Variants in WDR25 observed in about 807,000 individuals in gnomAD.
WDR25 encodes the protein WD repeat domain 25.
In WDR25, 35 loss-of-function variants were observed where a neutral mutation model predicts 47.7. The observed-to-expected ratio is 0.73, with a 90% CI of 0.56 to 0.97. The LOEUF is 0.97. Ranked by LOEUF, WDR25 falls within the 50% of genes least tolerant of loss-of-function variation. The probability of loss-of-function intolerance (pLI) is 0.00; values close to 1 mark genes in which losing one functional copy is unlikely to be tolerated. For missense variants in WDR25, 634 were observed against 704.7 expected (o/e 0.90, Z 1.14); for synonymous variants, 248 against 278.9 (o/e 0.89, Z 1.10).
rs1217927825 is a variant in WDR25 at position 100,525,128 on chromosome 14, A to T, written c.1102-742A>T. ...CGTGGGTGCCCAGCATGTTATTTCC[A>T]TATTGTCATTAAAGTCCTGTCCTCT... On this transcript the variant is annotated intron_variant, in intron 4 of 6. Transcript: ENST00000402312. The surrounding 1 kb of genome is among the most constrained non-coding windows in gnomAD (Gnocchi z 4.6). Among the ~76,000 whole-genome samples the T allele has an allele frequency of 1.3e-5, 2 of 152,042 alleles. No homozygotes were observed.
chr14:100,447,832 A>T (rs1209562345), intron 2 of WDR25, among the ~76,000 whole-genome samples: 2 of 152,172 alleles, frequency 1.3e-5, no homozygotes, highest in Non-Finnish European at 2.9e-5. Flanking sequence ...CCAGGGAAAA[A>T]TGGTCAAGTT....
chr14:100,397,892 G>C (rs113775372), intron 2 of WDR25, among the ~76,000 whole-genome samples: 3,474 of 152,326 alleles, frequency 0.023, 141 homozygotes, highest in African/African-American at 0.08. Flanking sequence ...AGGCTGGAGT[G>C]CAGTGGTGTG....
At chr14:100,501,369 A>T (rs189513121) in intron 4 of WDR25, among the ~76,000 whole-genome samples, 148 of 152,288 alleles carry the variant, frequency 9.7e-4, no homozygotes, top group Non-Finnish European at 1.9e-3. Context: ...CCACGAGCTC[A>T]TGATAATTGG....
At chr14:100,446,111 C>T (rs565518587) in intron 2 of WDR25, among the ~76,000 whole-genome samples, 13 of 152,236 alleles carry the variant, frequency 8.5e-5, no homozygotes, top group African/African-American at 2.2e-4. Flanking sequence ...TTCCTCCTGG[C>T]GTGGTGGGGA....
chr14:100,462,068 A>G (rs1899433825), intron 2 of WDR25, among the ~76,000 whole-genome samples: 1 of 152,078 alleles, frequency 6.6e-6, no homozygotes. Context: ...TTTGTAACCA[A>G]AAACGAAAGG....
chr14:100,444,744 G>A (rs1336920616), intron 2 of WDR25, among the ~76,000 whole-genome samples: 1 of 152,218 alleles, frequency 6.6e-6, no homozygotes, highest in African/African-American at 2.4e-5. Context: ...AGGCAGCGGC[G>A]AAACAGCTCA....
In WDR25 at chr14:100,399,974, G is replaced by C. The variant is rs139906032; in HGVS notation, c.822+18228G>C. Among the ~76,000 whole-genome samples the C allele has an allele frequency of 7.4e-3, 1,128 of 152,334 alleles. 16 individuals carry two copies. The highest frequency in any genetic ancestry group is 0.025 in the African/African-American group (1,022 of 41,576). On this transcript the variant is annotated intron_variant, in intron 2 of 6. Coordinates refer to ENST00000402312, the MANE Select transcript of WDR25 (RefSeq NM_001161476.3). ...AATAACTTAAGTTACACATGGGAGA[G>C]GGTTAGATGCATTTGTTGAATTACT...
At chr14:100,436,290 C>T (rs1164936122) in intron 2 of WDR25, among the ~76,000 whole-genome samples, 1 of 152,178 alleles carries the variant, frequency 6.6e-6, no homozygotes, top group Non-Finnish European at 1.5e-5. Context: ...GCAGGGCTGA[C>T]TACTACACCT....
rs893888454 is a variant in WDR25 at position 100,499,056 on chromosome 14, G to A, written c.1101+14932G>A. On this transcript the variant is annotated intron_variant, in intron 4 of 6. Transcript: ENST00000402312. The surrounding 1 kb of genome is among the most constrained non-coding windows in gnomAD (Gnocchi z 4.4). The stretch of plus-strand genomic sequence containing the variant: ...CTTCAGAATGGAGGGTGAGGTGGTT[G>A]TTCTCTAGATGTTCGTTTTGATTAG... Among the ~76,000 whole-genome samples the A allele has an allele frequency of 2.6e-5, 4 of 152,136 alleles. No individual in the cohort carries two copies. The highest frequency in any genetic ancestry group is 9.7e-5 in the African/African-American group (4 of 41,418).
At chr14:100,528,189 C>T (rs2030278137) in intron 5 of WDR25, among the ~76,000 whole-genome samples, 1 of 152,034 alleles carries the variant, frequency 6.6e-6, no homozygotes, top group African/African-American at 2.4e-5. Flanking sequence ...AAACTTATTC[C>T]CTCACAGTTC....
rs374066547 is a variant in WDR25, at chr14:100,425,461, C to T, written c.823-42560C>T. ...CCTACATTTGCTATATTCCAAAGCC[C>T]CTGCTCTTTCTACTCCTTCCCCTAG... On this transcript the variant is annotated intron_variant, in intron 2 of 6. Coordinates refer to ENST00000402312, the MANE Select transcript of WDR25 (RefSeq NM_001161476.3). This position sits in a 1 kb window ranked among gnomAD's most constrained non-coding sequence, Gnocchi z 4.8. Among the ~76,000 whole-genome samples, 15 of 152,182 alleles carry T rather than the reference C, an allele frequency of 9.9e-5. No homozygotes were observed. Among genetic ancestry groups the T allele is most frequent in the African/African-American group, 2.7e-4 (11 of 41,442 alleles).
At chr14:100,438,688 T>C (rs1595089181) in intron 2 of WDR25, among the ~76,000 whole-genome samples, 1 of 152,216 alleles carries the variant, frequency 6.6e-6, no homozygotes. Context: ...GGCTTTTTCA[T>C]CCAAAGCTGA....
chr14:100,487,127 T>C (rs929994162), intron 4 of WDR25, among the ~76,000 whole-genome samples: 3 of 152,240 alleles, frequency 2.0e-5, no homozygotes, highest in African/African-American at 7.2e-5. Context: ...TCGTCAGTCA[T>C]ATTCCTTTGA....
intron 2 of WDR25, among the ~76,000 whole-genome samples, chr14:100,444,048 C>T (rs906585095): frequency 1.1e-4 from 16 of 152,310 alleles, no homozygotes; most frequent in African/African-American, 3.8e-4. Context: ...GCCCCAGAGC[C>T]TTATCCTGTC....
Position 100,439,686 on chromosome 14 carries a change from A to G in WDR25, c.823-28335A>G, listed in dbSNP as rs114690698. ...TTTTATGTGACAGTGAGTTGGAGAA[A>G]CTAACAGTGGTCTTCAAGGCATTGT... is the stretch of plus-strand genomic sequence containing the variant. On this transcript the variant is annotated intron_variant, in intron 2 of 6. Transcript: ENST00000402312. Among the ~76,000 whole-genome samples the G allele has an allele frequency of 4.5e-3, 686 of 152,250 alleles. 4 individuals carry two copies. The highest frequency in any genetic ancestry group is 0.016 in the African/African-American group (668 of 41,534).
chr14:100,470,907 C>T (rs1393183615), intron 3 of WDR25, among the ~76,000 whole-genome samples: 1 of 152,208 alleles, frequency 6.6e-6, no homozygotes, highest in Non-Finnish European at 1.5e-5. Context: ...TCACTCCATC[C>T]CTCTGCTAGG....
chr14:100,486,071 C>T (rs189186253), intron 4 of WDR25, among the ~76,000 whole-genome samples: 12 of 150,170 alleles, frequency 8.0e-5, no homozygotes, highest in Admixed American at 5.3e-4. Flanking sequence ...CGCCAAAACA[C>T]GTTATATTTA....
chr14:100,521,124 GA>G (rs1275359308), intron 4 of WDR25, among the ~76,000 whole-genome samples: 9 of 152,006 alleles, frequency 5.9e-5, no homozygotes, highest in Non-Finnish European at 1.0e-4. Context: ...TCTTTGAGGT[GA>G]GAATGGTTTT....
intron 2 of WDR25, among the ~76,000 whole-genome samples, chr14:100,391,069 T>TC (rs936878588): frequency 6.6e-5 from 10 of 152,036 alleles, no homozygotes; most frequent in Admixed American, 3.3e-4. Context: ...TTTACCCTCT[T>TC]CCCCCCCAGG....
Sources: allele counts gnomAD v4.1 joint callset (sites outside exome capture counted in the v4.1 genomes callset), GRCh38; gene constraint gnomAD v4.1.1; non-coding constraint Gnocchi (gnomAD v3.1); transcripts MANE v1.5; gene names NCBI Gene and HGNC (gene_info 2026-07-23, HGNC 2026-07-21).